The following CDC6 variants were observed in gnomAD, a reference collection of about 807,000 sequenced individuals.
The protein encoded by CDC6 is cell division cycle 6.
CDC6 carries 46 observed loss-of-function variants against 60.2 expected under a neutral mutation model. The ratio of observed to expected loss-of-function variants is 0.76; its 90% CI spans 0.60 to 0.98. The LOEUF (loss-of-function observed/expected upper bound fraction) is 0.98, where lower values mean the gene tolerates loss of function less well. Among genes scored for constraint, CDC6 ranks in the 50% least tolerant of loss-of-function variants. The pLI is 0.00. For synonymous variants in CDC6, 210 were observed against 233.2 expected, an observed-to-expected ratio of 0.90 and a Z score of 0.90; for missense variants, 596 against 652.9, an observed-to-expected ratio of 0.91 and a Z score of 0.95.
In CDC6 at chr17:40,302,236, C is replaced by G; in HGVS notation, c.*235C>G. The stretch of plus-strand genomic sequence containing the variant: ...CCCTTTTTAATTACATTCACTACTT[C>G]TACCACTTGTGTATCTCTAGCCAAT... On this transcript the variant is annotated 3_prime_UTR_variant, in exon 12 of 12. Coordinates refer to ENST00000209728, the MANE Select transcript of CDC6 (RefSeq NM_001254.4). 1 of 530,178 alleles carries G rather than the reference C, an allele frequency of 1.9e-6. No homozygotes were observed. The highest frequency in any genetic ancestry group is 2.1e-5 in the South Asian group (1 of 47,934). 32.8% of individuals were successfully genotyped at this position (530,178 alleles called of 1,614,324 possible).
chr17:40,293,665 A>C, intron 5 of CDC6, 34 bp downstream of exon 5: 2 of 1,533,510 alleles, frequency 1.3e-6, no homozygotes, highest in Non-Finnish European at 1.8e-6. Context: ...TGCTCTGTGA[A>C]AATCTGCAAG....
rs2032967828 is a variant in CDC6, at chr17:40,303,759, TGATGGAAAGCAGAGACTGAATGGG to T, written c.*1759_*1782del. On this transcript the variant is annotated 3_prime_UTR_variant, in exon 12 of 12. Coordinates refer to ENST00000209728, the MANE Select transcript of CDC6 (RefSeq NM_001254.4). ...ATAATTGCAAAGATTGTCCGAAGGC[TGATGGAAAGCAGAGACTGAATGGG>T]ATTGAGAACAGATGCGAAGCTTGAT... is the stretch of plus-strand genomic sequence containing the variant. The T allele has an allele frequency of 6.6e-6, 1 of 152,258 alleles. No homozygotes were observed. The highest frequency in any genetic ancestry group is 2.4e-5 in the African/African-American group (1 of 41,464). The allele number at this position is 152,258 out of a possible 1,614,324, so 9.4% of individuals were successfully genotyped here. A position where few individuals can be genotyped will look rare whatever the true frequency, so the allele number is the denominator to read the frequency against.
chr17:40,296,640 G>T, intron 8 of CDC6, 63 bp from the exon 9 acceptor site: 1 of 909,444 alleles, frequency 1.1e-6, no homozygotes, highest in Non-Finnish European at 1.8e-6. Context: ...CGCTTTTGAG[G>T]CTGGTGGTTT....
At chr17:40,289,962 T>C (rs2032728699) in intron 2 of CDC6, among the ~76,000 whole-genome samples, 1 of 150,464 alleles carries the variant, frequency 6.6e-6, no homozygotes, top group Non-Finnish European at 1.5e-5. Context: ...TGACCTCAGG[T>C]GATCCAACTG....
rs1329449407 is a variant in CDC6, at chr17:40,291,458, G to A, written c.461-11G>A. The stretch of plus-strand genomic sequence containing the variant: ...CTGTTGTGTCTAATTGACCTTTTAT[G>A]TCTGGCACAGGCACTTGCTACCAGC... On this transcript the variant is annotated splice_polypyrimidine_tract_variant and intron_variant, in intron 3 of 11. Coordinates refer to ENST00000209728, the MANE Select transcript of CDC6 (RefSeq NM_001254.4). The A allele has an allele frequency of 6.2e-7, 1 of 1,614,106 alleles. No individual in the cohort carries two copies. The highest frequency in any genetic ancestry group is 1.3e-5 in the African/African-American group (1 of 75,036).
intron 4 of CDC6, among the ~76,000 whole-genome samples, chr17:40,291,947 C>T (rs925862902): frequency 6.6e-6 from 1 of 152,164 alleles, no homozygotes; most frequent in African/African-American, 2.4e-5. Context: ...CGGGGTGTCA[C>T]TGTGTTAGCC....
rs2032973037 is a variant in CDC6, at chr17:40,304,326, T to C, written c.*2325T>C. 1 of 152,244 alleles carries C rather than the reference T, an allele frequency of 6.6e-6. No homozygotes were observed. The highest frequency in any genetic ancestry group is 2.1e-4 in the South Asian group (1 of 4,832). 9.4% of individuals were successfully genotyped at this position (152,244 alleles called of 1,614,324 possible). A position where few individuals can be genotyped will look rare whatever the true frequency, so the allele number is the denominator to read the frequency against. On this transcript the variant is annotated 3_prime_UTR_variant, in exon 12 of 12. Coordinates refer to ENST00000209728, the MANE Select transcript of CDC6 (RefSeq NM_001254.4). ...TGATATATGTTTGTCAGTAAAGTCT[T>C]AAGTGTAATTCAGACTGCTGAGGAA...
At position 40,294,380 on chromosome 17, in the gene CDC6, G is replaced by A. The variant is rs764644035; in HGVS notation, c.960G>A (p.Leu320=). The A allele has an allele frequency of 2.2e-5, 35 of 1,609,086 alleles. No individual in the cohort carries two copies. Among genetic ancestry groups the A allele is most frequent in the Non-Finnish European group, 2.9e-5 (34 of 1,175,600 alleles). The stretch of plus-strand genomic sequence containing the variant: ...CCTCCTTAGGTATTGCTAATACCCT[G>A]GATCTCACAGATAGAATTCTACCTA... ...HLVLIGIANT[L]DLTDRILPRL... Residue 320 remains leucine, a synonymous_variant, in exon 7 of 12, where the codon CTG becomes CTA. Transcript: ENST00000209728.
At chr17:40,301,717 G>A (rs1034225765) in intron 11 of CDC6, 109 bp downstream of exon 11, 20 of 1,274,698 alleles carry the variant, frequency 1.6e-5, no homozygotes, top group African/African-American at 4.4e-5. Context: ...TAAACAAGTC[G>A]TTTTTTGTTA....
chr17:40,292,929 CA>C (rs1212766489), intron 4 of CDC6, among the ~76,000 whole-genome samples: 92 of 141,266 alleles, frequency 6.5e-4, no homozygotes, highest in African/African-American at 1.2e-3. Context: ...GACTCCGTCT[CA>C]AAAAAAAAAA....
At chr17:40,297,066 T>C (rs924983755) in intron 9 of CDC6, among the ~76,000 whole-genome samples, 1 of 152,208 alleles carries the variant, frequency 6.6e-6, no homozygotes, top group Non-Finnish European at 1.5e-5. Flanking sequence ...ATCAGCTCTC[T>C]GGGTGCTTAT....
rs1458216154 is a variant in CDC6 at position 40,303,871 on chromosome 17, C to A, written c.*1870C>A. On this transcript the variant is annotated 3_prime_UTR_variant, in exon 12 of 12. Coordinates refer to ENST00000209728, the MANE Select transcript of CDC6 (RefSeq NM_001254.4). ...ACGTGACTGCTTTACAGTTTGTTTC[C>A]ACACTGTGGGCAGCTGCTGTCTGTT... 1 of 152,226 alleles carries A rather than the reference C, an allele frequency of 6.6e-6. No homozygotes were observed. Among genetic ancestry groups the A allele is most frequent in the Non-Finnish European group, 1.5e-5 (1 of 68,036 alleles). The allele number at this position is 152,226 out of a possible 1,614,324, so 9.4% of individuals were successfully genotyped here. A position where few individuals can be genotyped will look rare whatever the true frequency, so the allele number is the denominator to read the frequency against.
At chr17:40,290,315 T>G (rs1362329903) in intron 2 of CDC6, among the ~76,000 whole-genome samples, 1 of 152,206 alleles carries the variant, frequency 6.6e-6, no homozygotes, top group Non-Finnish European at 1.5e-5. Context: ...AACATTTATT[T>G]TTAAATGGGG....
In CDC6 at chr17:40,302,835, A is replaced by G. The variant is rs2032959484; in HGVS notation, c.*834A>G. 1 of 152,210 alleles carries G rather than the reference A, an allele frequency of 6.6e-6. No individual in the cohort carries two copies. The highest frequency in any genetic ancestry group is 2.1e-4 in the South Asian group (1 of 4,824). 9.4% of individuals were successfully genotyped at this position (152,210 alleles called of 1,614,324 possible). ...ACATTGTGGCATTTTAGACTCGTTG[A>G]GTTTCTTGGGCACTCCCAAGGGCGT... is the stretch of plus-strand genomic sequence containing the variant. On this transcript the variant is annotated 3_prime_UTR_variant, in exon 12 of 12. Coordinates refer to ENST00000209728, the MANE Select transcript of CDC6 (RefSeq NM_001254.4).
rs1463985809 is a variant in CDC6, at chr17:40,291,634, C to A, written c.626C>A (p.Thr209Asn). Residue 209 changes from threonine (T) to asparagine (N), a missense_variant, in exon 4 of 12, where the codon ACT becomes AAT. By Grantham distance (65) the Thr-to-Asn change is moderately conservative. Coordinates refer to ENST00000209728, the MANE Select transcript of CDC6 (RefSeq NM_001254.4). Reference protein sequence around the residue: ...YLSGAPGTGKTACLSRILQDL... With the variant: ...YLSGAPGTGKNACLSRILQDL... ...TCTGGTGCTCCTGGAACTGGAAAAA[C>A]TGCCTGCTTAAGCCGGATTCTGCAA... 6.2e-7 allele frequency: 1 copy of A among 1,614,224 alleles called. No homozygotes were observed. The highest frequency in any genetic ancestry group is 8.5e-7 in the Non-Finnish European group (1 of 1,180,026).
chr17:40,301,408 T>G, intron 10 of CDC6, 60 bp from the exon 11 acceptor site: 2 of 1,560,346 alleles, frequency 1.3e-6, no homozygotes, highest in Non-Finnish European at 1.8e-6. Flanking sequence ...TCTTAAATGA[T>G]TAAAGGCTAT....
chr17:40,289,225 A>G (rs1477676657), intron 1 of CDC6, 183 bp from the exon 2 acceptor site: 2 of 589,358 alleles, frequency 3.4e-6, no homozygotes, highest in African/African-American at 1.9e-5. Flanking sequence ...CGTAGTAGGT[A>G]GACAACAAAT....
chr17:40,299,588 C>G (rs1449966384), intron 9 of CDC6, among the ~76,000 whole-genome samples: 2 of 151,912 alleles, frequency 1.3e-5, no homozygotes, highest in Non-Finnish European at 2.9e-5. Flanking sequence ...TTTCCCAACC[C>G]CTGGCTTTTA....
rs201343641 is a variant in CDC6, at chr17:40,291,178, A to G, written c.299A>G (p.Asn100Ser). ...TLKGRRLVFD[N>S]QLTIKSPSKR... ...AAGGGACGAAGATTGGTATTTGACAATCAGCTGACAATTAAGTCTCCTAGC... is the reference window on the plus strand; with the variant it reads ...AAGGGACGAAGATTGGTATTTGACAGTCAGCTGACAATTAAGTCTCCTAGC... Residue 100 changes from asparagine (N) to serine (S), a missense_variant, in exon 3 of 12, where the codon AAT (asparagine) becomes AGT (serine). Transcript: ENST00000209728. 3.8e-5 allele frequency: 61 copies of G among 1,614,058 alleles called. No individual in the cohort carries two copies. The highest frequency in any genetic ancestry group is 4.2e-5 in the Non-Finnish European group (50 of 1,180,014).
Sources: allele counts gnomAD v4.1 joint callset (sites outside exome capture counted in the v4.1 genomes callset), GRCh38; gene constraint gnomAD v4.1.1; transcripts MANE v1.5; gene names NCBI Gene and HGNC (gene_info 2026-07-23, HGNC 2026-07-21).